SPATA13: variants seen among roughly 807,000 people sequenced by gnomAD.
SPATA13 encodes spermatogenesis associated 13.
SPATA13 carries 50 observed loss-of-function variants against 104.0 expected under a neutral mutation model. That is an observed-to-expected ratio of 0.48 (90% confidence interval 0.38 to 0.61). The LOEUF (loss-of-function observed/expected upper bound fraction) is 0.61, where lower values mean the gene tolerates loss of function less well. Ranked by LOEUF, SPATA13 falls within the 20% of genes least tolerant of loss-of-function variation. The pLI is 0.00. For synonymous variants in SPATA13, 606 were observed against 667.5 expected, an observed-to-expected ratio of 0.91 and a Z score of 1.42; for missense variants, 1,524 against 1,690.6, an observed-to-expected ratio of 0.90 and a Z score of 1.73.
chr13:23,999,187 A>G (rs1875832701), intron 2 of SPATA13, among the ~76,000 whole-genome samples: 1 of 152,090 alleles, frequency 6.6e-6, no homozygotes, highest in African/African-American at 2.4e-5. Context: ...TCGGCCTCCC[A>G]AAGTGCTGGG....
At chr13:24,222,568 G>T (rs915000583) in intron 1 of SPATA13, among the ~76,000 whole-genome samples, 1 of 152,026 alleles carries the variant, frequency 6.6e-6, no homozygotes, top group African/African-American at 2.4e-5. Context: ...ACCTACACAG[G>T]TTCCAGTGAG....
chr13:24,112,339 C>G (rs1880667363), intron 3 of SPATA13, among the ~76,000 whole-genome samples: 1 of 151,864 alleles, frequency 6.6e-6, no homozygotes, highest in African/African-American at 2.4e-5. Context: ...TCTTGTTGCC[C>G]CTACAGCACC....
At chr13:24,177,096 TTC>T (rs1868483135) in intron 1 of SPATA13, among the ~76,000 whole-genome samples, 1 of 152,180 alleles carries the variant, frequency 6.6e-6, no homozygotes, top group Non-Finnish European at 1.5e-5. Context: ...TGAGCCTCCT[TTC>T]TCTCTAGTAC....
intron 3 of SPATA13, among the ~76,000 whole-genome samples, chr13:24,134,162 T>G (rs1468089945): frequency 4.6e-5 from 7 of 152,194 alleles, no homozygotes; most frequent in Non-Finnish European, 1.0e-4. Flanking sequence ...AGCTGTGTCC[T>G]TGGCTGTGGG....
chr13:23,997,501 T>TCA (rs1409205016), intron 2 of SPATA13, among the ~76,000 whole-genome samples: 1 of 152,222 alleles, frequency 6.6e-6, no homozygotes, highest in East Asian at 1.9e-4. Context: ...TTTCCATGTA[T>TCA]CACTAGTTCA....
At chr13:24,209,670 A>G (rs1870904339) in intron 1 of SPATA13, among the ~76,000 whole-genome samples, 1 of 152,212 alleles carries the variant, frequency 6.6e-6, no homozygotes, top group Non-Finnish European at 1.5e-5. Flanking sequence ...TCATCCATTC[A>G]GGGACACTTA....
At chr13:24,204,273 G>T (rs538941523) in intron 1 of SPATA13, among the ~76,000 whole-genome samples, 3 of 152,238 alleles carry the variant, frequency 2.0e-5, no homozygotes, top group African/African-American at 7.2e-5. Context: ...TCATTTTGCA[G>T]ATGAAAAATC....
chr13:24,070,347 G>A (rs547806900), intron 3 of SPATA13, among the ~76,000 whole-genome samples: 12 of 152,152 alleles, frequency 7.9e-5, no homozygotes, highest in South Asian at 2.1e-4. Context: ...CTCCTCTGCC[G>A]CCCCCCTACC....
At chr13:24,248,832 C>G (rs1873307127) in intron 2 of SPATA13, among the ~76,000 whole-genome samples, 1 of 152,070 alleles carries the variant, frequency 6.6e-6, no homozygotes, top group Admixed American at 6.6e-5. Context: ...TTGGGGGACA[C>G]CTATGATAGT....
chr13:24,249,439 T>C (rs1873348011), intron 2 of SPATA13, 38 bp from the exon 3 acceptor site: 2 of 1,475,398 alleles, frequency 1.4e-6, no homozygotes, highest in East Asian at 2.5e-5. Flanking sequence ...AATACCTTCC[T>C]GGATATTGAG....
chr13:24,029,590 G>A (rs1038710109), intron 3 of SPATA13, among the ~76,000 whole-genome samples: 2 of 152,068 alleles, frequency 1.3e-5, no homozygotes, highest in Non-Finnish European at 2.9e-5. Flanking sequence ...GTTCTGTAGA[G>A]CATTTTTGGA....
intron 5 of SPATA13, among the ~76,000 whole-genome samples, chr13:24,284,778 C>G (rs1279434977): frequency 6.6e-6 from 1 of 152,180 alleles, no homozygotes; most frequent in Non-Finnish European, 1.5e-5. Flanking sequence ...AGCAGCTCCC[C>G]ATCAGTGTTC....
chr13:24,203,326 GGAAGGGGAA>G (rs112544106), intron 1 of SPATA13, among the ~76,000 whole-genome samples: 101 of 152,148 alleles, frequency 6.6e-4, no homozygotes, highest in African/African-American at 2.4e-3. Flanking sequence ...GTAATTTAGG[GGAAGGGGAA>G]GAAGGGGAAG....
At chr13:24,192,350 TTTGAGGTGTTCGTCTCCTCCTCC>T (rs1005033428) in intron 1 of SPATA13, among the ~76,000 whole-genome samples, 22 of 152,162 alleles carry the variant, frequency 1.4e-4, no homozygotes, top group African/African-American at 5.3e-4. Context: ...CTGCTTGTGT[TTTGAGGTGTTCGTCTCCTCCTCC>T]TTGCAGCTCT....
At chr13:24,132,703 G>A (rs1228967218) in intron 3 of SPATA13, among the ~76,000 whole-genome samples, 1 of 152,188 alleles carries the variant, frequency 6.6e-6, no homozygotes, top group East Asian at 1.9e-4. Context: ...GCCGGGCATG[G>A]TGGCTCACAT....
chr13:24,204,385 G>A (rs895815984), intron 1 of SPATA13, among the ~76,000 whole-genome samples: 1 of 151,922 alleles, frequency 6.6e-6, no homozygotes, highest in Non-Finnish European at 1.5e-5. Context: ...TGTTTTAAAA[G>A]CATTGTTTTT....
chr13:24,024,655 C>G (rs958663771), intron 3 of SPATA13, among the ~76,000 whole-genome samples: 3 of 144,512 alleles, frequency 2.1e-5, no homozygotes, highest in Admixed American at 7.0e-5. Context: ...GGAAGTTTTT[C>G]TTAAACATTT....
At chr13:24,082,213 G>T (rs1463865635) in intron 3 of SPATA13, among the ~76,000 whole-genome samples, 1 of 152,190 alleles carries the variant, frequency 6.6e-6, no homozygotes, top group Non-Finnish European at 1.5e-5. Flanking sequence ...TTCAACAGGG[G>T]AGGACGCTGA....
At chr13:24,195,882 T>G (rs1297010085) in intron 1 of SPATA13, among the ~76,000 whole-genome samples, 1 of 152,212 alleles carries the variant, frequency 6.6e-6, no homozygotes, top group African/African-American at 2.4e-5. Flanking sequence ...GCTCAAGTGA[T>G]GTTTGGATTA....
Sources: gnomAD v4.1 joint callset for allele counts (sites outside exome capture counted in the v4.1 genomes callset) on GRCh38, gnomAD v4.1.1 for gene constraint, MANE v1.5 for transcripts, NCBI Gene and HGNC (gene_info 2026-07-23, HGNC 2026-07-21) for gene names.